The following SPDYE17 variants were observed in gnomAD, a reference collection of about 807,000 sequenced individuals.
SPDYE17 encodes speedy protein E17.
For synonymous variants in SPDYE17, 4 were observed against 14.8 expected (o/e 0.27, Z 1.68); for missense variants, 7 against 38.0 (o/e 0.18, Z 2.15).
chr7:77,029,511 AC>A (rs1437750537), intron 2 of SPDYE17, 60 bp from the exon 3 acceptor site: 1 of 55,794 alleles, frequency 1.8e-5, no homozygotes, highest in Non-Finnish European at 2.8e-5. Flanking sequence ...TTAGACCCCG[AC>A]CCCAAACCCC....
At position 77,028,185 on chromosome 7, in the gene SPDYE17, T is replaced by C; in HGVS notation, c.365A>G (p.Lys122Arg). ...FNRLLEDPVI[K>R]RLLAWDKDLR... ...ATCTTTGTCCCAGGCCAGGAGTCTT[T>C]TAATGACAGGATCCTCTGTGATTAG... The change falls in exon 4 of 8, where the codon AAA becomes AGA. Residue 122 changes from lysine to arginine, a missense_variant. By Grantham distance (26) the Lys-to-Arg change is conservative. Transcript: ENST00000671986. 1 of 1,332,186 alleles carries C rather than the reference T, an allele frequency of 7.5e-7. No homozygotes were observed. The highest frequency in any genetic ancestry group is 9.8e-7 in the Non-Finnish European group (1 of 1,018,360). 82.5% of individuals were successfully genotyped at this position (1,332,186 alleles called of 1,614,324 possible).
In SPDYE17 at chr7:77,027,766, C is replaced by T. The variant is rs557596126; in HGVS notation, c.408+376G>A. Among the ~76,000 whole-genome samples, 173 of 127,718 alleles carry T rather than the reference C, an allele frequency of 1.4e-3. 7 individuals carry two copies. Among genetic ancestry groups the T allele is most frequent in the African/African-American group, 4.7e-3 (170 of 36,232 alleles). The allele number at this position is 127,718 out of a possible 152,430, so 83.8% of individuals were successfully genotyped here. A position where few individuals can be genotyped will look rare whatever the true frequency, so the allele number is the denominator to read the frequency against. ...ATCTGAGCACTTTGGGAGGCCAAGGCGGGTGGATCACCTGAGGTCAGGTGT... is the reference window on the plus strand; with the variant it reads ...ATCTGAGCACTTTGGGAGGCCAAGGTGGGTGGATCACCTGAGGTCAGGTGT... On this transcript the variant is annotated intron_variant, in intron 4 of 7. Coordinates refer to ENST00000671986, the MANE Select transcript of SPDYE17 (RefSeq NM_001351351.3).
In SPDYE17 at chr7:77,027,499, C is replaced by T. The variant is rs369020087; in HGVS notation, c.409-585G>A. 4.2e-5 allele frequency among the ~76,000 whole-genome samples: 2 copies of T among 47,402 alleles called. 1 individual carries two copies. The highest frequency in any genetic ancestry group is 6.8e-5 in the Non-Finnish European group (2 of 29,540). The allele number at this position is 47,402 out of a possible 152,430, so 31.1% of individuals were successfully genotyped here. A position where few individuals can be genotyped will look rare whatever the true frequency, so the allele number is the denominator to read the frequency against. On this transcript the variant is annotated intron_variant, in intron 4 of 7. Transcript: ENST00000671986. ...TTGGAGAACAACCTGGGCAACACAGCGAGACCCTGTTTCTAAGAAGATTTC... is the reference window on the plus strand; with the variant it reads ...TTGGAGAACAACCTGGGCAACACAGTGAGACCCTGTTTCTAAGAAGATTTC...
In SPDYE17 at chr7:77,032,235, A is replaced by C. The variant is rs112156473; in HGVS notation, c.-454+5T>G. ...CAAAAAAAAAAAAAAACAAACAAAA[A>C]GAACCTGTGGATGAGTTCCCACATG... On this transcript the variant is annotated splice_donor_5th_base_variant and intron_variant, in intron 1 of 7. Transcript: ENST00000671986. 8.1e-6 allele frequency among the ~76,000 whole-genome samples: 1 copy of C among 124,078 alleles called. No individual in the cohort carries two copies. The highest frequency in any genetic ancestry group is 1.6e-5 in the Non-Finnish European group (1 of 60,866). 81.4% of individuals were successfully genotyped at this position (124,078 alleles called of 152,430 possible).
chr7:77,031,734 C>G (rs1170227550), intron 1 of SPDYE17, among the ~76,000 whole-genome samples: 1 of 12,228 alleles, frequency 8.2e-5, no homozygotes, highest in Non-Finnish European at 1.2e-4. Flanking sequence ...CACCTGTGTT[C>G]CAACAACTTG....
At position 77,028,083 on chromosome 7, in the gene SPDYE17, C is replaced by T; in HGVS notation, c.408+59G>A. ...CGGAGAACTGTGGGTTTGGAAGCTG[C>T]GCCCTCTCCCTGGCCGTGCGTTAGA... On this transcript the variant is annotated intron_variant, in intron 4 of 7. Transcript: ENST00000671986. The T allele has an allele frequency of 9.6e-6, 13 of 1,359,274 alleles. 1 individual carries two copies. The highest frequency in any genetic ancestry group is 1.3e-5 in the Non-Finnish European group (13 of 1,026,738). 84.2% of individuals were successfully genotyped at this position (1,359,274 alleles called of 1,614,324 possible).
At position 77,029,698 on chromosome 7, in the gene SPDYE17, C is replaced by CTTTTTT. The variant is rs1166509214; in HGVS notation, c.131-253_131-248dup. ...CTGGTCCCTGGCTCTCTGAGTCCCT[C>CTTTTTT]TTTTTTTTTTTTTTTTTTTTTGTTT... On this transcript the variant is annotated intron_variant, in intron 2 of 7. Coordinates refer to ENST00000671986, the MANE Select transcript of SPDYE17 (RefSeq NM_001351351.3). 1.7e-3 allele frequency among the ~76,000 whole-genome samples: 70 copies of CTTTTTT among 41,600 alleles called. 3 individuals are homozygous for CTTTTTT. The highest frequency in any genetic ancestry group is 2.6e-3 in the African/African-American group (16 of 6,094). The allele number at this position is 41,600 out of a possible 152,430, so 27.3% of individuals were successfully genotyped here. A position where few individuals can be genotyped will look rare whatever the true frequency, so the allele number is the denominator to read the frequency against.
In SPDYE17 at chr7:77,027,975, A is replaced by G. The variant is rs1196262746; in HGVS notation, c.408+167T>C. Among the ~76,000 whole-genome samples the G allele has an allele frequency of 1.1e-4, 14 of 131,318 alleles. 1 individual carries two copies. Among genetic ancestry groups the G allele is most frequent in the East Asian group, 3.8e-4 (1 of 2,622 alleles). The allele number at this position is 131,318 out of a possible 152,430, so 86.1% of individuals were successfully genotyped here. ...GAGACACTGCCCTCCAGCCTGGGCA[A>G]CAGAGCAAGACTGTGTCTCACAAAA... is the stretch of plus-strand genomic sequence containing the variant. On this transcript the variant is annotated intron_variant, in intron 4 of 7. Transcript: ENST00000671986.
chr7:77,026,375 C>T (rs1374972956), intron 5 of SPDYE17, among the ~76,000 whole-genome samples: 2 of 146,334 alleles, frequency 1.4e-5, no homozygotes, highest in South Asian at 2.2e-4. Context: ...GTGAGGTTGT[C>T]GTGCTTTGGA....
At chr7:77,028,381 A>T (rs1789468726) in intron 3 of SPDYE17, among the ~76,000 whole-genome samples, 181 bp from the exon 4 acceptor site, 1 of 84,070 alleles carries the variant, frequency 1.2e-5, no homozygotes. Context: ...CTGCTCTGAG[A>T]CTCCCCTGAG....
rs1199803159 is a variant in SPDYE17, at chr7:77,028,103, G to A, written c.408+39C>T. On this transcript the variant is annotated intron_variant, in intron 4 of 7. Coordinates refer to ENST00000671986, the MANE Select transcript of SPDYE17 (RefSeq NM_001351351.3). ...AGCTGCGCCCTCTCCCTGGCCGTGC[G>A]TTAGAACAGGAACACAGTTACATAG... 1.9e-4 allele frequency: 263 copies of A among 1,379,480 alleles called. 42 individuals carry two copies. The highest frequency in any genetic ancestry group is 2.4e-4 in the South Asian group (17 of 70,804). The allele number at this position is 1,379,480 out of a possible 1,614,324, so 85.5% of individuals were successfully genotyped here. A position where few individuals can be genotyped will look rare whatever the true frequency, so the allele number is the denominator to read the frequency against.
rs370377130 is a variant in SPDYE17 at position 77,029,873 on chromosome 7, A to C, written c.131-422T>G. Among the ~76,000 whole-genome samples the C allele has an allele frequency of 1.5e-3, 183 of 124,934 alleles. 16 individuals carry two copies. In the East Asian group the frequency reaches 0.023, roughly 16 times the overall value. 82.0% of individuals were successfully genotyped at this position (124,934 alleles called of 152,430 possible). A position where few individuals can be genotyped will look rare whatever the true frequency, so the allele number is the denominator to read the frequency against. The stretch of plus-strand genomic sequence containing the variant: ...AGGTGCCTGCCATAATGCCCAGCTC[A>C]ATTTTGTACTTTTAATAGAGACAGG... On this transcript the variant is annotated intron_variant, in intron 2 of 7. Coordinates refer to ENST00000671986, the MANE Select transcript of SPDYE17 (RefSeq NM_001351351.3).
rs1254389938 is a variant in SPDYE17 at position 77,030,018 on chromosome 7, A to G, written c.130+423T>C. On this transcript the variant is annotated intron_variant, in intron 2 of 7. Coordinates refer to ENST00000671986, the MANE Select transcript of SPDYE17 (RefSeq NM_001351351.3). ...CACTGCACCCAGCCTGAATTTCTCC[A>G]TTCTTCCCACACACCCTCCCCAGGT... Among the ~76,000 whole-genome samples the G allele has an allele frequency of 2.0e-5, 2 of 99,100 alleles. 1 individual carries two copies. Among genetic ancestry groups the G allele is most frequent in the Non-Finnish European group, 3.8e-5 (2 of 52,606 alleles). The allele number at this position is 99,100 out of a possible 152,430, so 65.0% of individuals were successfully genotyped here.
chr7:77,026,467 A>G (rs1188538616), intron 5 of SPDYE17, among the ~76,000 whole-genome samples: 3 of 149,172 alleles, frequency 2.0e-5, no homozygotes, highest in Non-Finnish European at 4.4e-5. Context: ...TTGACAGTGG[A>G]TTCGAGTGAT....
In SPDYE17 at chr7:77,027,862, G is replaced by T. The variant is rs1342632134; in HGVS notation, c.408+280C>A. On this transcript the variant is annotated intron_variant, in intron 4 of 7. Transcript: ENST00000671986. ...AACACAAAAATTAGCCAGGCATGGT[G>T]GTTCATGTTTGTAATCCCAGCTGCT... 1.1e-4 allele frequency among the ~76,000 whole-genome samples: 14 copies of T among 131,240 alleles called. 2 individuals carry two copies. Among genetic ancestry groups the T allele is most frequent in the Non-Finnish European group, 6.4e-5 (4 of 62,632 alleles). The allele number at this position is 131,240 out of a possible 152,430, so 86.1% of individuals were successfully genotyped here.
Position 77,032,221 on chromosome 7 carries a change from A to C in SPDYE17, c.-454+19T>G, listed in dbSNP as rs1158861739. ...GCAAAACTACATCTCAAAAAAAAAA[A>C]AAAACAAACAAAAAGAACCTGTGGA... is the stretch of plus-strand genomic sequence containing the variant. On this transcript the variant is annotated intron_variant, in intron 1 of 7. Coordinates refer to ENST00000671986, the MANE Select transcript of SPDYE17 (RefSeq NM_001351351.3). 8.4e-6 allele frequency among the ~76,000 whole-genome samples: 1 copy of C among 119,576 alleles called. No homozygotes were observed. The highest frequency in any genetic ancestry group is 1.7e-5 in the Non-Finnish European group (1 of 59,602). 78.4% of individuals were successfully genotyped at this position (119,576 alleles called of 152,430 possible). A position where few individuals can be genotyped will look rare whatever the true frequency, so the allele number is the denominator to read the frequency against.
rs1348899173 is a variant in SPDYE17, at chr7:77,029,739, C to G, written c.131-288G>C. Among the ~76,000 whole-genome samples, 4 of 91,310 alleles carry G rather than the reference C, an allele frequency of 4.4e-5. 1 individual carries two copies. The highest frequency in any genetic ancestry group is 3.5e-4 in the Admixed American group (2 of 5,752). 59.9% of individuals were successfully genotyped at this position (91,310 alleles called of 152,430 possible). On this transcript the variant is annotated intron_variant, in intron 2 of 7. Coordinates refer to ENST00000671986, the MANE Select transcript of SPDYE17 (RefSeq NM_001351351.3). ...TTTTTTGTTTCGAGACAGAATCTTG[C>G]TTTGTCACCCAGGCTGGAGTGTAGT...
At chr7:77,028,018 C>G (rs1293815382) in intron 4 of SPDYE17, 124 bp downstream of exon 4, 2 of 667,246 alleles carry the variant, frequency 3.0e-6, no homozygotes, top group Non-Finnish European at 4.4e-6. Context: ...AAAACAAAAA[C>G]AAAAAAAAAC....
At chr7:77,026,627 TCTC>T (rs965247692) in intron 5 of SPDYE17, among the ~76,000 whole-genome samples, 199 bp downstream of exon 5, 7 of 144,696 alleles carry the variant, frequency 4.8e-5, no homozygotes, top group Non-Finnish European at 9.0e-5. Flanking sequence ...CTCCTTTTCT[TCTC>T]CCCTTAGGAG....
Sources: gnomAD v4.1 joint callset for allele counts (sites outside exome capture counted in the v4.1 genomes callset) on GRCh38, gnomAD v4.1.1 for gene constraint, MANE v1.5 for transcripts, NCBI Gene and HGNC (gene_info 2026-07-23, HGNC 2026-07-21) for gene names.